The following HSD17B2 variants were observed in gnomAD, a reference collection of about 807,000 sequenced individuals.
The protein encoded by HSD17B2 is 17-beta-hydroxysteroid dehydrogenase type 2.
Under a neutral mutation model 26.9 loss-of-function variants are expected in HSD17B2, and 32 were observed. The ratio of observed to expected loss-of-function variants is 1.19; its 90% CI spans 0.90 to 1.60. HSD17B2 has a LOEUF of 1.60. Ranked by LOEUF, HSD17B2 falls within the 40% of genes most tolerant of loss-of-function variation. HSD17B2 has a pLI of 0.00. For synonymous variants in HSD17B2, 246 were observed against 186.7 expected, an observed-to-expected ratio of 1.32 and a Z score of -2.59; for missense variants, 613 against 468.6, an observed-to-expected ratio of 1.31 and a Z score of -2.85.
At chr16:82,042,334 C>T (rs1483651777) in intron 1 of HSD17B2, among the ~76,000 whole-genome samples, 3 of 151,956 alleles carry the variant, frequency 2.0e-5, no homozygotes, top group African/African-American at 4.8e-5. Context: ...CAGGCGTGAG[C>T]CACCACGCCC....
At chr16:82,056,494 C>T (rs1337429069) in intron 1 of HSD17B2, 2 of 152,122 alleles carry the variant, frequency 1.3e-5, no homozygotes, top group Non-Finnish European at 2.9e-5. Flanking sequence ...CTATTTCCAT[C>T]TATTTAAAAC....
intron 1 of HSD17B2, among the ~76,000 whole-genome samples, chr16:82,043,940 G>A (rs1261686158): frequency 2.6e-5 from 4 of 152,182 alleles, no homozygotes; most frequent in African/African-American, 9.7e-5. Context: ...GCTCTTGGAA[G>A]TCACATAATC....
At chr16:82,068,519 CAT>C (rs1914626019) in intron 2 of HSD17B2, 137 bp downstream of exon 2, 1 of 683,144 alleles carries the variant, frequency 1.5e-6, no homozygotes, top group African/African-American at 1.8e-5. Flanking sequence ...GAACCCCTAC[CAT>C]GTGTGGGGGC....
Position 82,098,096 on chromosome 16 carries a change from A to G in HSD17B2, c.824A>G (p.Lys275Arg), listed in dbSNP as rs1904907362. 2.5e-6 allele frequency: 4 copies of G among 1,612,876 alleles called. No homozygotes were observed. The highest frequency in any genetic ancestry group is 3.4e-6 in the Non-Finnish European group (4 of 1,179,320). Residue 275 changes from lysine (K) to arginine (R), a missense_variant, in exon 5 of 5, where the codon AAG (lysine) becomes AGG (arginine). Physicochemically the swap from Lys to Arg is conservative, Grantham distance 26. Transcript: ENST00000199936. ...FLTNIAGTSDKWEKLEKDILD... is the reference protein window; with the variant it reads ...FLTNIAGTSDRWEKLEKDILD... ...CCAGATATCGCAGGCACCAGTGACA[A>G]GTGGGAAAAGCTGGAGAAGGACATT...
chr16:82,073,949 C>G (rs1914755163), intron 3 of HSD17B2, among the ~76,000 whole-genome samples: 1 of 152,200 alleles, frequency 6.6e-6, no homozygotes, highest in Non-Finnish European at 1.5e-5. Context: ...TGAATTCAAA[C>G]TATACTACAG....
At chr16:82,070,200 C>G (rs1420027095) in intron 2 of HSD17B2, among the ~76,000 whole-genome samples, 2 of 152,188 alleles carry the variant, frequency 1.3e-5, no homozygotes, top group African/African-American at 4.8e-5. Flanking sequence ...AGCTCAGACA[C>G]TGGCTCTACC....
chr16:82,060,986 C>T (rs1009151130), intron 1 of HSD17B2, among the ~76,000 whole-genome samples: 5 of 152,082 alleles, frequency 3.3e-5, no homozygotes, highest in Non-Finnish European at 5.9e-5. Flanking sequence ...ATGGGCCAGG[C>T]GTGGCGACTC....
intron 1 of HSD17B2, among the ~76,000 whole-genome samples, chr16:82,054,636 G>A (rs1411528065): frequency 1.3e-5 from 2 of 152,096 alleles, no homozygotes; most frequent in Non-Finnish European, 2.9e-5. Flanking sequence ...TGAGCCACCG[G>A]GCTCAGCCCT....
chr16:82,043,099 G>C (rs1205500238), intron 1 of HSD17B2, among the ~76,000 whole-genome samples: 1 of 152,196 alleles, frequency 6.6e-6, no homozygotes, highest in Non-Finnish European at 1.5e-5. Flanking sequence ...TGCTGTCAGG[G>C]CCTCTGTCTT....
chr16:82,084,192 T>A (rs1433106214), intron 3 of HSD17B2, among the ~76,000 whole-genome samples: 2 of 152,196 alleles, frequency 1.3e-5, no homozygotes, highest in African/African-American at 4.8e-5. Flanking sequence ...ATGTAGCACC[T>A]GAGTCCAGGG....
In HSD17B2 at chr16:82,087,298, C is replaced by T. The variant is rs576846926; in HGVS notation, c.665-3604C>T. On this transcript the variant is annotated intron_variant, in intron 3 of 4. Coordinates refer to ENST00000199936, the MANE Select transcript of HSD17B2 (RefSeq NM_002153.3). ...GTAGAATTCACATTAAGTGTTTTTA[C>T]CTTGAGAAAATTAAAAGTTAAATTA... Among the ~76,000 whole-genome samples, 39 of 152,178 alleles carry T rather than the reference C, an allele frequency of 2.6e-4. 1 individual carries two copies. The South Asian group carries it at 8.1e-3, about 32-fold the overall frequency.
In HSD17B2 at chr16:82,098,232, G is replaced by A. The variant is rs780429754; in HGVS notation, c.960G>A (p.Pro320=). Residue 320 remains proline, a synonymous_variant, in exon 5 of 5, where the codon CCG becomes CCA. Coordinates refer to ENST00000199936, the MANE Select transcript of HSD17B2 (RefSeq NM_002153.3). The part of the protein sequence containing the change: ...INSLASKDFS[P]VLRDIQHAIL... ...CGTTAGCCAGCAAGGACTTCTCTCC[G>A]GTGCTGCGGGACATCCAGCATGCTA... 8.1e-6 allele frequency: 13 copies of A among 1,614,034 alleles called. No individual in the cohort carries two copies. Among genetic ancestry groups the A allele is most frequent in the African/African-American group, 4.0e-5 (3 of 74,906 alleles).
chr16:82,070,551 G>A (rs1035056466), intron 2 of HSD17B2, among the ~76,000 whole-genome samples: 3 of 152,226 alleles, frequency 2.0e-5, no homozygotes, highest in African/African-American at 7.2e-5. Context: ...TGGCATGCCC[G>A]TGATGGGGAA....
At chr16:82,087,049 A>G (rs1295401795) in intron 3 of HSD17B2, among the ~76,000 whole-genome samples, 1 of 152,168 alleles carries the variant, frequency 6.6e-6, no homozygotes, top group Non-Finnish European at 1.5e-5. Flanking sequence ...TAGAGTCCTC[A>G]TTTCCAAATA....
At chr16:82,076,658 T>A (rs1904304047) in intron 3 of HSD17B2, among the ~76,000 whole-genome samples, 7 of 152,206 alleles carry the variant, frequency 4.6e-5, no homozygotes, top group Admixed American at 4.6e-4. Flanking sequence ...CACTGCAGTC[T>A]CCACCTCCTG....
chr16:82,068,081 C>T lies in HSD17B2; in HGVS notation c.266-89C>T, dbSNP rs374775095. The stretch of plus-strand genomic sequence containing the variant: ...CCTCTCTTCAGAGAGCATGGAGAAT[C>T]GTAAACAACGTAATATGTTTTCCTT... On this transcript the variant is annotated intron_variant, in intron 1 of 4. Coordinates refer to ENST00000199936, the MANE Select transcript of HSD17B2 (RefSeq NM_002153.3). 2.9e-5 allele frequency: 33 copies of T among 1,153,218 alleles called. No individual in the cohort carries two copies. In the East Asian group the frequency reaches 5.4e-4, roughly 19 times the overall value. 71.4% of individuals were successfully genotyped at this position (1,153,218 alleles called of 1,614,324 possible). A position where few individuals can be genotyped will look rare whatever the true frequency, so the allele number is the denominator to read the frequency against.
chr16:82,083,157 A>G (rs994866959), intron 3 of HSD17B2, among the ~76,000 whole-genome samples: 1 of 152,204 alleles, frequency 6.6e-6, no homozygotes, highest in African/African-American at 2.4e-5. Flanking sequence ...TGTCTTCTAA[A>G]TACACTCCTA....
intron 1 of HSD17B2, among the ~76,000 whole-genome samples, chr16:82,050,160 C>T (rs530224413): frequency 6.6e-6 from 1 of 152,304 alleles, no homozygotes; most frequent in African/African-American, 2.4e-5. Flanking sequence ...GTACTCAGTT[C>T]CACTGGATGT....
At chr16:82,096,339 C>T (rs1904837912) in intron 4 of HSD17B2, 1 of 152,154 alleles carries the variant, frequency 6.6e-6, no homozygotes, top group African/African-American at 2.4e-5. Flanking sequence ...CTCCCTGCTT[C>T]AGCCTCCCAG....
Sources: gnomAD v4.1 joint callset for allele counts (sites outside exome capture counted in the v4.1 genomes callset) on GRCh38, gnomAD v4.1.1 for gene constraint, MANE v1.5 for transcripts, NCBI Gene and HGNC (gene_info 2026-07-23, HGNC 2026-07-21) for gene names.